Variants in SLC38A9 observed in about 807,000 individuals in gnomAD.
The protein encoded by SLC38A9 is solute carrier family 38 member 9, also known as neutral amino acid transporter 9.
SLC38A9 carries 48 observed loss-of-function variants against 62.3 expected under a neutral mutation model. The ratio of observed to expected loss-of-function variants is 0.77; its 90% CI spans 0.61 to 0.98. SLC38A9 has a LOEUF of 0.98. SLC38A9 is among the 50% of genes least tolerant of loss of function. SLC38A9 has a pLI of 0.00. For missense variants in SLC38A9, 541 were observed against 679.8 expected (o/e 0.80, Z 2.27); for synonymous variants, 204 against 227.7 (o/e 0.90, Z 0.94).
intron 14 of SLC38A9, among the ~76,000 whole-genome samples, chr5:55,628,589 T>G (rs1327853597): frequency 6.6e-6 from 1 of 152,176 alleles, no homozygotes; most frequent in African/African-American, 2.4e-5. Context: ...TTTAACAAAC[T>G]TTTCATAAAG....
intron 3 of SLC38A9, among the ~76,000 whole-genome samples, chr5:55,693,845 G>C (rs1304950090): frequency 6.6e-6 from 1 of 152,074 alleles, no homozygotes; most frequent in African/African-American, 2.4e-5. Flanking sequence ...AGGATTGCTT[G>C]AGCCCTGGAG....
chr5:55,696,659 G>T (rs1206008627), intron 3 of SLC38A9: 2 of 51,002 alleles, frequency 3.9e-5, no homozygotes, highest in Non-Finnish European at 1.0e-4. Flanking sequence ...GGGCAGAGGC[G>T]CCCCTCACCT....
chr5:55,633,671 G>A lies in SLC38A9; in HGVS notation c.1430+83C>T, dbSNP rs768025563. ...TGCATTAGGCATTTTTATAGCAAAA[G>A]GATCAGTCACACTTTAAACTGACCT... On this transcript the variant is annotated intron_variant, in intron 14 of 15. Transcript: ENST00000396865. 4.4e-6 allele frequency: 7 copies of A among 1,573,122 alleles called. No individual in the cohort carries two copies. The African/African-American group carries it at 9.5e-5, about 21-fold the overall frequency.
rs1758165698 is a variant in SLC38A9, at chr5:55,712,266, A to T, written c.-132T>A. On this transcript the variant is annotated 5_prime_UTR_variant, in exon 1 of 16. Transcript: ENST00000396865. ...CGGAGAACTAGACGAGAAGATAAAGATTCCCTTCCCAAATTCTCGCAATTT... is the reference window on the plus strand; with the variant it reads ...CGGAGAACTAGACGAGAAGATAAAGTTTCCCTTCCCAAATTCTCGCAATTT... 6.6e-6 allele frequency: 1 copy of T among 152,660 alleles called. No individual in the cohort carries two copies. The highest frequency in any genetic ancestry group is 1.5e-5 in the Non-Finnish European group (1 of 68,082). 9.5% of individuals were successfully genotyped at this position (152,660 alleles called of 1,614,324 possible).
intron 8 of SLC38A9, among the ~76,000 whole-genome samples, chr5:55,658,329 T>A (rs1748838976): frequency 1.3e-5 from 2 of 152,140 alleles, no homozygotes; most frequent in South Asian, 4.1e-4. Context: ...AATTTTTGTA[T>A]TTTTAGTAGA....
rs1758163881 is a variant in SLC38A9, at chr5:55,712,249, T to C, written c.-115A>G. ...GGCCGAGCCTTCAACCTCGGAGAAC[T>C]AGACGAGAAGATAAAGATTCCCTTC... On this transcript the variant is annotated 5_prime_UTR_variant, in exon 1 of 16. Transcript: ENST00000396865. The C allele has an allele frequency of 6.6e-6, 1 of 152,584 alleles. No individual in the cohort carries two copies. Among genetic ancestry groups the C allele is most frequent in the Admixed American group, 6.5e-5 (1 of 15,288 alleles). 9.5% of individuals were successfully genotyped at this position (152,584 alleles called of 1,614,324 possible). A position where few individuals can be genotyped will look rare whatever the true frequency, so the allele number is the denominator to read the frequency against.
rs754495522 is a variant in SLC38A9 at position 55,672,650 on chromosome 5, G to A, written c.159C>T (p.Val53=). The A allele has an allele frequency of 6.2e-6, 10 of 1,614,076 alleles. No homozygotes were observed. The South Asian group carries it at 1.1e-4, about 18-fold the overall frequency. The stretch of plus-strand genomic sequence containing the variant: ...AGGCATGGTCACTAACCCTCTGAAT[G>A]ACATGATTCACATTCACGATGTTTG... The part of the protein sequence containing the change: ...EPTNIVNVNH[V]IQRVSDHASA... The change falls in exon 4 of 16, where the codon GTC becomes GTT. Residue 53 remains valine, a synonymous_variant. Coordinates refer to ENST00000396865, the MANE Select transcript of SLC38A9 (RefSeq NM_173514.4).
intron 3 of SLC38A9, among the ~76,000 whole-genome samples, chr5:55,690,692 C>G (rs995665755): frequency 2.0e-5 from 3 of 152,150 alleles, no homozygotes; most frequent in African/African-American, 7.2e-5. Flanking sequence ...GTCACTGGGC[C>G]AGGATCTATC....
chr5:55,655,802 C>A (rs139318350), intron 9 of SLC38A9, among the ~76,000 whole-genome samples: 2 of 152,200 alleles, frequency 1.3e-5, no homozygotes, highest in African/African-American at 4.8e-5. Flanking sequence ...TCCCTGAAAT[C>A]TAAATACATA....
chr5:55,669,375 C>T (rs1403816684), intron 6 of SLC38A9, 54 bp from the exon 7 acceptor site: 1 of 1,459,136 alleles, frequency 6.9e-7, no homozygotes, highest in Non-Finnish European at 9.5e-7. Flanking sequence ...AGCATAAATT[C>T]ATATGCAATT....
At chr5:55,710,025 C>T (rs574370749) in intron 2 of SLC38A9, among the ~76,000 whole-genome samples, 2 of 136,100 alleles carry the variant, frequency 1.5e-5, no homozygotes, top group Non-Finnish European at 1.5e-5. Flanking sequence ...GCTGAGATTG[C>T]GCCACTGCAC....
intron 7 of SLC38A9, among the ~76,000 whole-genome samples, chr5:55,665,375 A>G (rs576191915): frequency 1.3e-5 from 2 of 151,990 alleles, no homozygotes; most frequent in South Asian, 2.1e-4. Context: ...GTGAAACCCC[A>G]TATCTATCAA....
chr5:55,687,459 C>G (rs1338099825), intron 3 of SLC38A9, among the ~76,000 whole-genome samples: 55 of 136,230 alleles, frequency 4.0e-4, no homozygotes, highest in Admixed American at 1.8e-3. Context: ...AAAGTTTTTT[C>G]TAGTTCTGTG....
intron 14 of SLC38A9, among the ~76,000 whole-genome samples, chr5:55,628,701 T>G (rs1343916561): frequency 1.3e-5 from 2 of 152,208 alleles, no homozygotes; most frequent in Non-Finnish European, 2.9e-5. Context: ...GTGGTCATAC[T>G]TCATACTTTG....
intron 12 of SLC38A9, among the ~76,000 whole-genome samples, chr5:55,640,908 C>T (rs1745358131): frequency 6.6e-6 from 1 of 151,158 alleles, no homozygotes; most frequent in South Asian, 2.1e-4. Context: ...GTGATCTCGG[C>T]TCACTGCAAC....
At chr5:55,677,555 G>T (rs539221452) in intron 3 of SLC38A9, among the ~76,000 whole-genome samples, 1 of 152,040 alleles carries the variant, frequency 6.6e-6, no homozygotes, top group Non-Finnish European at 1.5e-5. Flanking sequence ...TGTTTGTTTT[G>T]AGATAGGGTT....
intron 3 of SLC38A9, among the ~76,000 whole-genome samples, chr5:55,674,230 G>A (rs570686087): frequency 9.2e-5 from 14 of 152,278 alleles, no homozygotes; most frequent in African/African-American, 3.4e-4. Flanking sequence ...TCAACTCAAT[G>A]AATATGTAAA....
chr5:55,701,773 G>A (rs1756679630), intron 2 of SLC38A9, among the ~76,000 whole-genome samples: 1 of 152,196 alleles, frequency 6.6e-6, no homozygotes, highest in African/African-American at 2.4e-5. Flanking sequence ...TACTTACCCT[G>A]TAAATTACTA....
At chr5:55,646,012 T>C in intron 11 of SLC38A9, 117 bp from the exon 12 acceptor site, 1 of 657,066 alleles carries the variant, frequency 1.5e-6, no homozygotes, top group Non-Finnish European at 2.6e-6. Flanking sequence ...AATAAGAATA[T>C]TAAAATGTCT....
Sources: gnomAD v4.1 joint callset for allele counts (sites outside exome capture counted in the v4.1 genomes callset) on GRCh38, gnomAD v4.1.1 for gene constraint, MANE v1.5 for transcripts, NCBI Gene and HGNC (gene_info 2026-07-23, HGNC 2026-07-21) for gene names.